The following GLS variants were observed in gnomAD, a reference collection of about 807,000 sequenced individuals.
GLS encodes the protein glutaminase.
GLS carries 36 observed loss-of-function variants against 86.7 expected under a neutral mutation model. The ratio of observed to expected loss-of-function variants is 0.42; its 90% CI spans 0.32 to 0.55. GLS has a LOEUF of 0.55. Among genes scored for constraint, GLS ranks in the 20% least tolerant of loss-of-function variants. The pLI, the probability that GLS is intolerant of heterozygous loss-of-function variation, is 0.17. For synonymous variants in GLS, 317 were observed against 305.9 expected, an observed-to-expected ratio of 1.04 and a Z score of -0.38; for missense variants, 528 against 833.4, an observed-to-expected ratio of 0.63 and a Z score of 4.51.
chr2:190,925,266 G>C (rs1215998382), intron 11 of GLS, among the ~76,000 whole-genome samples: 3 of 152,076 alleles, frequency 2.0e-5, no homozygotes, highest in Admixed American at 2.0e-4. Context: ...GCATTTAAAA[G>C]TGTCAGTGTC....
At chr2:190,922,578 C>T (rs1238531761) in intron 9 of GLS, among the ~76,000 whole-genome samples, 4 of 152,104 alleles carry the variant, frequency 2.6e-5, no homozygotes, top group African/African-American at 9.7e-5. Context: ...TTGTGTCTTC[C>T]AGTTCATTTC....
At chr2:190,933,322 TAA>T (rs1317738506) in intron 14 of GLS, 2 of 915,708 alleles carry the variant, frequency 2.2e-6, no homozygotes, top group Admixed American at 6.2e-5. Flanking sequence ...AATACAAAAC[TAA>T]AAAGGCAAAA....
intron 14 of GLS, among the ~76,000 whole-genome samples, chr2:190,950,176 G>A (rs927920595): frequency 6.6e-6 from 1 of 152,052 alleles, no homozygotes. Flanking sequence ...GGCCTTGAGT[G>A]CCTGAGACCA....
chr2:190,958,055 TAGGCTATTAATTACTGCCTCAATTTCAG>T (rs1283800847), intron 17 of GLS, among the ~76,000 whole-genome samples: 9 of 152,320 alleles, frequency 5.9e-5, no homozygotes, highest in Non-Finnish European at 1.0e-4. Context: ...TTTCGGTTGG[TAGGCTATTAATTACTGCCTCAATTTCAG>T]AGGCTATTAA....
At chr2:190,917,936 A>T (rs1049933480) in intron 7 of GLS, among the ~76,000 whole-genome samples, 8 of 152,084 alleles carry the variant, frequency 5.3e-5, no homozygotes, top group Admixed American at 1.3e-4. Flanking sequence ...TAAAAAACAA[A>T]ATCTTTTTGA....
chr2:190,919,681 ATTTC>A (rs1689671303), intron 7 of GLS: 1 of 852,362 alleles, frequency 1.2e-6, no homozygotes, highest in Middle Eastern at 5.9e-4. Context: ...GAAGTTGGTA[ATTTC>A]TTCTTTTAAT....
chr2:190,903,036 C>T (rs1189808277), intron 5 of GLS, among the ~76,000 whole-genome samples: 1 of 151,928 alleles, frequency 6.6e-6, no homozygotes, highest in African/African-American at 2.4e-5. Context: ...AATTAAAAAC[C>T]TTTTTTCCTT....
At chr2:190,899,566 A>G (rs1478406999) in intron 3 of GLS, among the ~76,000 whole-genome samples, 1 of 152,238 alleles carries the variant, frequency 6.6e-6, no homozygotes, top group South Asian at 2.1e-4. Context: ...AAATACTGAG[A>G]GTATCTTACT....
At chr2:190,892,785 CAGCTTATTTTGTG>C (rs1688607662) in intron 1 of GLS, among the ~76,000 whole-genome samples, 1 of 152,096 alleles carries the variant, frequency 6.6e-6, no homozygotes, top group Non-Finnish European at 1.5e-5. Context: ...TCAGTTTTGA[CAGCTTATTTTGTG>C]AGCTTATTTT....
chr2:190,906,390 A>G (rs1033489228), intron 6 of GLS, among the ~76,000 whole-genome samples: 6 of 152,200 alleles, frequency 3.9e-5, no homozygotes, highest in African/African-American at 1.4e-4. Context: ...TTCAGAAACA[A>G]AAAAACAAAA....
At chr2:190,919,377 G>GT (rs1015820874) in intron 7 of GLS, among the ~76,000 whole-genome samples, 3 of 152,030 alleles carry the variant, frequency 2.0e-5, no homozygotes, top group African/African-American at 7.2e-5. Context: ...GAGTTGAATG[G>GT]TTTTTATTTT....
In GLS at chr2:190,954,729, C is replaced by CT. The variant is rs577810556; in HGVS notation, c.1790-19dup. 2 of 1,613,502 alleles carry CT rather than the reference C, an allele frequency of 1.2e-6. No homozygotes were observed. Among genetic ancestry groups the CT allele is most frequent in the South Asian group, 1.1e-5 (1 of 91,066 alleles). The stretch of plus-strand genomic sequence containing the variant: ...TTTCTACTTAGTACTAAAATCTGCT[C>CT]TTTTTTTGGGGGTGGGACGGTATAG... On this transcript the variant is annotated intron_variant, in intron 16 of 17. Coordinates refer to ENST00000320717, the MANE Select transcript of GLS (RefSeq NM_014905.5). This position sits in a 1 kb window ranked among gnomAD's most constrained non-coding sequence, Gnocchi z 4.0.
chr2:190,895,209 T>C lies in GLS; in HGVS notation c.444T>C (p.Ala148=). Residue 148 remains alanine, a synonymous_variant, in exon 2 of 18, where the codon GCT becomes GCC. Transcript: ENST00000320717. The surrounding 1 kb of genome is among the most constrained non-coding windows in gnomAD (Gnocchi z 4.2). ...AAGATTTGCTGTTCTATACAATTGCTGAAGGACAAGAGAAAATACCTGTTC... is the reference window on the plus strand; with the variant it reads ...AAGATTTGCTGTTCTATACAATTGCCGAAGGACAAGAGAAAATACCTGTTC... ...SLEDLLFYTI[A]EGQEKIPVHK... The C allele has an allele frequency of 6.5e-7, 1 of 1,547,452 alleles. No homozygotes were observed. Among genetic ancestry groups the C allele is most frequent in the Non-Finnish European group, 8.9e-7 (1 of 1,122,664 alleles).
At chr2:190,934,728 G>A in intron 14 of GLS, 1 of 974,070 alleles carries the variant, frequency 1.0e-6, no homozygotes, top group South Asian at 4.7e-5. Flanking sequence ...AAATTAGGTT[G>A]TTAATTTGTG....
rs542395889 is a variant in GLS, at chr2:190,932,919, C to T, written c.1650+1282C>T. ...CATTTAATCTTTCAAACATCTTTAG[C>T]TTTTTTTTGCAAGTTATAAATATTT... On this transcript the variant is annotated intron_variant, in intron 14 of 17. Transcript: ENST00000320717. 4 of 1,364,882 alleles carry T rather than the reference C, an allele frequency of 2.9e-6. No individual in the cohort carries two copies. The South Asian group carries it at 6.2e-5, about 21-fold the overall frequency. The allele number at this position is 1,364,882 out of a possible 1,614,324, so 84.5% of individuals were successfully genotyped here. A position where few individuals can be genotyped will look rare whatever the true frequency, so the allele number is the denominator to read the frequency against.
intron 12 of GLS, among the ~76,000 whole-genome samples, chr2:190,929,615 G>A (rs1313889893): frequency 6.6e-6 from 1 of 151,546 alleles, no homozygotes; most frequent in African/African-American, 2.4e-5. Context: ...GATTACAGGT[G>A]CCTGCCACCA....
intron 14 of GLS, among the ~76,000 whole-genome samples, chr2:190,942,370 A>G (rs1230533256): frequency 1.3e-5 from 2 of 151,950 alleles, no homozygotes; most frequent in Non-Finnish European, 2.9e-5. Flanking sequence ...GTGAGCCACC[A>G]CACCCGGCTG....
intron 1 of GLS, among the ~76,000 whole-genome samples, chr2:190,893,547 A>G (rs1688632554): frequency 6.6e-6 from 1 of 152,216 alleles, no homozygotes; most frequent in Non-Finnish European, 1.5e-5. Context: ...GAATATAAGT[A>G]AGTGATCAAT....
chr2:190,902,699 G>A (rs899812959), intron 5 of GLS, among the ~76,000 whole-genome samples: 5 of 152,162 alleles, frequency 3.3e-5, no homozygotes, highest in African/African-American at 2.4e-5. Context: ...AAGAATGACC[G>A]TGTTCATTGT....
Sources: allele counts gnomAD v4.1 joint callset (sites outside exome capture counted in the v4.1 genomes callset), GRCh38; gene constraint gnomAD v4.1.1; non-coding constraint Gnocchi (gnomAD v3.1); transcripts MANE v1.5; gene names NCBI Gene and HGNC (gene_info 2026-07-23, HGNC 2026-07-21).